Variants in ERO1B observed in about 807,000 individuals in gnomAD.
The protein encoded by ERO1B is endoplasmic reticulum oxidoreductase 1 beta, also known as ERO1-like protein beta.
Under a neutral mutation model 75.3 loss-of-function variants are expected in ERO1B, and 49 were observed. The observed-to-expected ratio is 0.65, with a 90% CI of 0.52 to 0.83. ERO1B has a LOEUF of 0.83. Ranked by LOEUF, ERO1B falls within the 40% of genes least tolerant of loss-of-function variation. ERO1B has a pLI of 0.00. For synonymous variants in ERO1B, 191 were observed against 192.9 expected (o/e 0.99, Z 0.08); for missense variants, 512 against 560.1 (o/e 0.91, Z 0.87).
rs764030177 is a variant in ERO1B, at chr1:236,252,067, C to A, written c.331G>T (p.Ala111Ser). The change falls in exon 4 of 16, where the codon GCT becomes TCT. Residue 111 changes from alanine to serine, a missense_variant. Physicochemically the swap from Ala to Ser is moderately conservative, Grantham distance 99. Coordinates refer to ENST00000354619, the MANE Select transcript of ERO1B (RefSeq NM_019891.4). Reference sequence around the variant, plus strand: ...GGACTTACCTTATTAGAATGCCCAGCTTTTATTCCAACCGGAATTTTACTC... The same window carrying A: ...GGACTTACCTTATTAGAATGCCCAGATTTTATTCCAACCGGAATTTTACTC... ...PESKIPVGIK[A>S]GHSNKYLKMA... 6.2e-7 allele frequency: 1 copy of A among 1,601,376 alleles called. No homozygotes were observed. The highest frequency in any genetic ancestry group is 2.3e-5 in the East Asian group (1 of 44,288).
intron 6 of ERO1B, among the ~76,000 whole-genome samples, chr1:236,238,243 T>C (rs1664591612): frequency 6.6e-6 from 1 of 152,156 alleles, no homozygotes; most frequent in Non-Finnish European, 1.5e-5. Flanking sequence ...GATACTCCAC[T>C]ATAAAAAGCA....
intron 6 of ERO1B, among the ~76,000 whole-genome samples, chr1:236,241,586 T>C (rs765882345): frequency 5.3e-5 from 8 of 151,814 alleles, no homozygotes; most frequent in African/African-American, 1.7e-4. Context: ...ATATAAACCA[T>C]TGGAATATAT....
At chr1:236,278,733 T>G (rs1186167913) in intron 1 of ERO1B, among the ~76,000 whole-genome samples, 1 of 152,210 alleles carries the variant, frequency 6.6e-6, no homozygotes, top group Non-Finnish European at 1.5e-5. Context: ...GCCTTTAGTT[T>G]CCAGTGCTTC....
In ERO1B at chr1:236,217,636, A is replaced by G. The variant is rs746302595; in HGVS notation, c.*880T>C. Reference sequence around the variant, plus strand: ...TATAAATTCATATAATCCCATTTAAATTTTATCAAGAAGTAATCTGTTAAA... The same window carrying G: ...TATAAATTCATATAATCCCATTTAAGTTTTATCAAGAAGTAATCTGTTAAA... On this transcript the variant is annotated 3_prime_UTR_variant, in exon 16 of 16. Coordinates refer to ENST00000354619, the MANE Select transcript of ERO1B (RefSeq NM_019891.4). 4.1e-4 allele frequency: 63 copies of G among 152,626 alleles called. No homozygotes were observed. Among genetic ancestry groups the G allele is most frequent in the Admixed American group, 6.5e-4 (10 of 15,272 alleles). 9.5% of individuals were successfully genotyped at this position (152,626 alleles called of 1,614,324 possible).
intron 5 of ERO1B, among the ~76,000 whole-genome samples, chr1:236,248,082 C>G (rs1453372970): frequency 6.6e-6 from 1 of 152,126 alleles, no homozygotes; most frequent in Non-Finnish European, 1.5e-5. Flanking sequence ...TGACAAGGAT[C>G]AAGTTGCACG....
At chr1:236,258,542 A>G (rs1047782989) in intron 2 of ERO1B, among the ~76,000 whole-genome samples, 3 of 152,204 alleles carry the variant, frequency 2.0e-5, no homozygotes, top group Non-Finnish European at 4.4e-5. Flanking sequence ...GAGAAATGCT[A>G]AAAGGATCCT....
chr1:236,234,316 G>T (rs1398304682), intron 8 of ERO1B, among the ~76,000 whole-genome samples: 3 of 152,040 alleles, frequency 2.0e-5, no homozygotes, highest in Admixed American at 1.3e-4. Flanking sequence ...ACATGGAAAT[G>T]AAGTGTTTCT....
rs1465994290 is a variant in ERO1B, at chr1:236,216,452, GATAAA to G, written c.*2059_*2063del. On this transcript the variant is annotated 3_prime_UTR_variant, in exon 16 of 16. Coordinates refer to ENST00000354619, the MANE Select transcript of ERO1B (RefSeq NM_019891.4). ...AGGCTGCCCCTACAATCTAATTTAT[GATAAA>G]ATAAGATGAATTTCAGCCTAAGAAT... 14 of 152,038 alleles carry G rather than the reference GATAAA, an allele frequency of 9.2e-5. No homozygotes were observed. The highest frequency in any genetic ancestry group is 2.6e-4 in the Admixed American group (4 of 15,276). 9.4% of individuals were successfully genotyped at this position (152,038 alleles called of 1,614,324 possible). A position where few individuals can be genotyped will look rare whatever the true frequency, so the allele number is the denominator to read the frequency against.
chr1:236,242,386 C>T (rs1188943350), intron 6 of ERO1B, among the ~76,000 whole-genome samples: 1 of 152,044 alleles, frequency 6.6e-6, no homozygotes, highest in East Asian at 1.9e-4. Flanking sequence ...AAAAGTTTTA[C>T]CAATTCTCTA....
At chr1:236,271,286 T>C (rs1665583714) in intron 1 of ERO1B, among the ~76,000 whole-genome samples, 1 of 152,208 alleles carries the variant, frequency 6.6e-6, no homozygotes. Context: ...CAAGTAATGA[T>C]CAGAAAATGG....
At chr1:236,246,001 G>A (rs993323607) in intron 5 of ERO1B, among the ~76,000 whole-genome samples, 1 of 152,014 alleles carries the variant, frequency 6.6e-6, no homozygotes, top group African/African-American at 2.4e-5. Flanking sequence ...AAGTAAAGCT[G>A]TTTAAAAATC....
chr1:236,219,189 T>C (rs1389372963), intron 15 of ERO1B, among the ~76,000 whole-genome samples: 1 of 152,120 alleles, frequency 6.6e-6, no homozygotes, highest in African/African-American at 2.4e-5. Flanking sequence ...AGAAGAAAAA[T>C]TATTCCTTAA....
Position 236,249,375 on chromosome 1 carries a change from T to C in ERO1B, c.431+510A>G, listed in dbSNP as rs143060304. 2.5e-3 allele frequency among the ~76,000 whole-genome samples: 376 copies of C among 152,302 alleles called. 3 individuals are homozygous for C. The highest frequency in any genetic ancestry group is 8.7e-3 in the African/African-American group (361 of 41,580). On this transcript the variant is annotated intron_variant, in intron 5 of 15. Transcript: ENST00000354619. Reference sequence around the variant, plus strand: ...GGAATGTAAAGGAATTTCTGAAATATCTCATTCCCAACTACTGATTATGTC... The same window carrying C: ...GGAATGTAAAGGAATTTCTGAAATACCTCATTCCCAACTACTGATTATGTC...
intron 2 of ERO1B, among the ~76,000 whole-genome samples, chr1:236,266,837 T>C (rs1195797033): frequency 1.3e-5 from 2 of 152,178 alleles, no homozygotes; most frequent in Non-Finnish European, 2.9e-5. Flanking sequence ...GCATTAACCC[T>C]CCTCTGTGAG....
chr1:236,269,924 A>G lies in ERO1B; in HGVS notation c.173T>C (p.Phe58Ser). 1 of 1,604,474 alleles carries G rather than the reference A, an allele frequency of 6.2e-7. No homozygotes were observed. The highest frequency in any genetic ancestry group is 1.1e-5 in the South Asian group (1 of 90,826). The change falls in exon 2 of 16, where the codon TTC (phenylalanine) becomes TCC (serine). Residue 58 changes from phenylalanine to serine, a missense_variant. By Grantham distance (155) the Phe-to-Ser change is radical. Transcript: ENST00000354619. ...SIDNFNTYKI[F>S]PKIKKLQERD... Reference sequence around the variant, plus strand: ...CTCTTGCAATTTTTTTATTTTGGGGAAGATTTTGTAGGTATTGAAGTTATC... The same window carrying G: ...CTCTTGCAATTTTTTTATTTTGGGGGAGATTTTGTAGGTATTGAAGTTATC...
intron 2 of ERO1B, among the ~76,000 whole-genome samples, chr1:236,268,660 G>T (rs1017643025): frequency 4.0e-5 from 6 of 151,876 alleles, no homozygotes; most frequent in Non-Finnish European, 8.8e-5. Context: ...GCCAAGGCGG[G>T]CGGATCACAA....
chr1:236,250,047 G>C, intron 4 of ERO1B, 80 bp from the exon 5 acceptor site: 1 of 890,172 alleles, frequency 1.1e-6, no homozygotes, highest in South Asian at 1.9e-5. Flanking sequence ...TAATCAATCT[G>C]TCAACAATGA....
intron 3 of ERO1B, among the ~76,000 whole-genome samples, chr1:236,252,324 G>A (rs987166948): frequency 2.6e-5 from 4 of 152,084 alleles, no homozygotes; most frequent in African/African-American, 9.7e-5. Flanking sequence ...CACAAAGTAA[G>A]AAAGCCAAAA....
chr1:236,252,444 G>C (rs1295410590), intron 3 of ERO1B, among the ~76,000 whole-genome samples: 1 of 152,086 alleles, frequency 6.6e-6, no homozygotes, highest in Non-Finnish European at 1.5e-5. Flanking sequence ...AGAAAGTTTT[G>C]AAAGTTCAAA....
Sources: gnomAD v4.1 joint callset for allele counts (sites outside exome capture counted in the v4.1 genomes callset) on GRCh38, gnomAD v4.1.1 for gene constraint, MANE v1.5 for transcripts, NCBI Gene and HGNC (gene_info 2026-07-23, HGNC 2026-07-21) for gene names.